Variants in SORCS3 observed in about 807,000 individuals in gnomAD.
SORCS3 encodes sortilin related VPS10 domain containing receptor 3.
Under a neutral mutation model 146.3 loss-of-function variants are expected in SORCS3, and 57 were observed. The ratio of observed to expected loss-of-function variants is 0.39; its 90% CI spans 0.31 to 0.49. The LOEUF (loss-of-function observed/expected upper bound fraction) is 0.49. Ranked by LOEUF, SORCS3 falls within the 20% of genes least tolerant of loss-of-function variation. SORCS3 has a pLI of 0.92. For synonymous variants in SORCS3, 653 were observed against 618.5 expected (o/e 1.06, Z -0.83); for missense variants, 1,341 against 1,575.5 (o/e 0.85, Z 2.52).
Position 105,252,669 on chromosome 10 carries a change from T to A in SORCS3, c.3106-106T>A. 6 of 1,422,578 alleles carry A rather than the reference T, an allele frequency of 4.2e-6. No individual in the cohort carries two copies. In the South Asian group the frequency reaches 7.6e-5, roughly 18 times the overall value. 88.1% of individuals were successfully genotyped at this position (1,422,578 alleles called of 1,614,324 possible). On this transcript the variant is annotated intron_variant, in intron 22 of 26. Coordinates refer to ENST00000369701, the MANE Select transcript of SORCS3 (RefSeq NM_014978.3). ...GGAGCCTGTGCCTAAAAAGCTGCAT[T>A]TGAAAAACTCACATGAGCCATCTGG...
At chr10:104,652,233 C>G (rs970256182) in intron 1 of SORCS3, among the ~76,000 whole-genome samples, 1 of 152,116 alleles carries the variant, frequency 6.6e-6, no homozygotes, top group African/African-American at 2.4e-5. Context: ...CTCATTCATT[C>G]AATAATTTGT....
In SORCS3 at chr10:105,095,318, C is replaced by T. The variant is rs202223641; in HGVS notation, c.1093+5479C>T. 1.2e-4 allele frequency among the ~76,000 whole-genome samples: 18 copies of T among 152,082 alleles called. No homozygotes were observed. The East Asian group carries it at 2.3e-3, about 20-fold the overall frequency. On this transcript the variant is annotated intron_variant, in intron 6 of 26. Coordinates refer to ENST00000369701, the MANE Select transcript of SORCS3 (RefSeq NM_014978.3). ...AGTCAAGTGGCTTGTCTAGTGGCCC[C>T]GGACAAGTGGTGGAGGAGCAGACTG...
At chr10:104,739,970 A>G (rs1292341846) in intron 1 of SORCS3, among the ~76,000 whole-genome samples, 1 of 152,212 alleles carries the variant, frequency 6.6e-6, no homozygotes, top group Non-Finnish European at 1.5e-5. Context: ...GCAAGGAGAT[A>G]TGGTATGTTT....
At chr10:104,972,706 A>G (rs1164236385) in intron 3 of SORCS3, among the ~76,000 whole-genome samples, 1 of 152,104 alleles carries the variant, frequency 6.6e-6, no homozygotes, top group Non-Finnish European at 1.5e-5. Context: ...ACCACAAAAA[A>G]TGTTCCCGGA....
chr10:104,930,591 TG>T (rs1228775411), intron 3 of SORCS3, among the ~76,000 whole-genome samples: 24 of 152,194 alleles, frequency 1.6e-4, no homozygotes, highest in Admixed American at 1.6e-3. Flanking sequence ...CCGGGGTTGA[TG>T]GGGGCAGTAA....
intron 1 of SORCS3, among the ~76,000 whole-genome samples, chr10:104,756,053 A>G (rs1457412343): frequency 6.6e-6 from 1 of 152,144 alleles, no homozygotes. Flanking sequence ...AACATTAGCC[A>G]AAGTGGTTTT....
At chr10:105,133,174 G>A (rs966344031) in intron 7 of SORCS3, among the ~76,000 whole-genome samples, 20 of 152,176 alleles carry the variant, frequency 1.3e-4, no homozygotes, top group African/African-American at 4.6e-4. Flanking sequence ...GCCCCTGAAG[G>A]GGTGTGTGAT....
chr10:104,930,868 C>T (rs1480341216), intron 3 of SORCS3, among the ~76,000 whole-genome samples: 1 of 152,176 alleles, frequency 6.6e-6, no homozygotes, highest in Non-Finnish European at 1.5e-5. Context: ...ATCTCCTTAG[C>T]TGATAGAAGG....
chr10:104,975,567 G>A (rs975993769), intron 3 of SORCS3, among the ~76,000 whole-genome samples: 2 of 152,110 alleles, frequency 1.3e-5, no homozygotes, highest in African/African-American at 4.8e-5. Flanking sequence ...CTATTTTAAA[G>A]TTCATATGGA....
chr10:104,805,355 G>A (rs1235102807), intron 1 of SORCS3, among the ~76,000 whole-genome samples: 1 of 152,222 alleles, frequency 6.6e-6, no homozygotes, highest in East Asian at 1.9e-4. Flanking sequence ...AGTCATCCAA[G>A]CCTCAAGAAG....
chr10:104,874,242 T>C (rs923906418), intron 2 of SORCS3, among the ~76,000 whole-genome samples: 16 of 152,152 alleles, frequency 1.1e-4, no homozygotes, highest in Non-Finnish European at 2.2e-4. Context: ...TTTCAGAGTT[T>C]CTAGTTTGGT....
At chr10:104,850,704 A>C (rs1311979221) in intron 2 of SORCS3, among the ~76,000 whole-genome samples, 1 of 152,228 alleles carries the variant, frequency 6.6e-6, no homozygotes, top group African/African-American at 2.4e-5. Flanking sequence ...CAGATTACTC[A>C]TGCCGTCCTT....
At chr10:105,014,667 G>C (rs189615328) in intron 4 of SORCS3, among the ~76,000 whole-genome samples, 35 of 151,242 alleles carry the variant, frequency 2.3e-4, no homozygotes, top group Non-Finnish European at 2.9e-5. Flanking sequence ...AAAAAATGCT[G>C]TGGTCTGAAT....
intron 7 of SORCS3, among the ~76,000 whole-genome samples, chr10:105,114,165 T>C (rs1266947884): frequency 1.3e-5 from 2 of 152,160 alleles, no homozygotes; most frequent in African/African-American, 4.8e-5. Context: ...GTGTATATTA[T>C]GTCTGCAGTG....
chr10:105,004,416 A>T (rs1452654422), intron 4 of SORCS3, among the ~76,000 whole-genome samples: 1 of 152,168 alleles, frequency 6.6e-6, no homozygotes, highest in Non-Finnish European at 1.5e-5. Context: ...CTGAAGGGGC[A>T]AGGACAGGAA....
At chr10:104,961,841 ACC>A (rs1290818681) in intron 3 of SORCS3, among the ~76,000 whole-genome samples, 7 of 152,070 alleles carry the variant, frequency 4.6e-5, no homozygotes, top group African/African-American at 1.7e-4. Flanking sequence ...CCTTTGAGTG[ACC>A]TTCACTCAGT....
intron 1 of SORCS3, among the ~76,000 whole-genome samples, chr10:104,744,257 T>C (rs2016882703): frequency 6.6e-6 from 1 of 152,230 alleles, no homozygotes; most frequent in African/African-American, 2.4e-5. Flanking sequence ...TGACAATGAA[T>C]AGACTGTCAG....
At chr10:105,215,003 A>T (rs1271684336) in intron 18 of SORCS3, among the ~76,000 whole-genome samples, 1 of 152,158 alleles carries the variant, frequency 6.6e-6, no homozygotes, top group African/African-American at 2.4e-5. Flanking sequence ...CTTTATTCTG[A>T]CCCTTAATCC....
chr10:104,779,854 C>G (rs534198569), intron 1 of SORCS3, among the ~76,000 whole-genome samples: 1 of 152,288 alleles, frequency 6.6e-6, no homozygotes, highest in Non-Finnish European at 1.5e-5. Context: ...TCACCCCGCG[C>G]GCTCCGCCAT....
Sources: gnomAD v4.1 joint callset for allele counts (sites outside exome capture counted in the v4.1 genomes callset) on GRCh38, gnomAD v4.1.1 for gene constraint, MANE v1.5 for transcripts, NCBI Gene and HGNC (gene_info 2026-07-23, HGNC 2026-07-21) for gene names.